The following TTC7B variants were observed in gnomAD, a reference collection of about 807,000 sequenced individuals.
The protein encoded by TTC7B is tetratricopeptide repeat domain 7B.
TTC7B carries 28 observed loss-of-function variants against 106.8 expected under a neutral mutation model. The ratio of observed to expected loss-of-function variants is 0.26; its 90% CI spans 0.19 to 0.36. The LOEUF (loss-of-function observed/expected upper bound fraction) is 0.36, where lower values mean the gene tolerates loss of function less well. TTC7B is among the 10% of genes least tolerant of loss of function. The pLI is 1.00. For synonymous variants in TTC7B, 405 were observed against 430.6 expected, an observed-to-expected ratio of 0.94 and a Z score of 0.74; for missense variants, 862 against 1,076.4, an observed-to-expected ratio of 0.80 and a Z score of 2.79.
At chr14:90,571,012 A>G (rs1891012453) in intron 19 of TTC7B, among the ~76,000 whole-genome samples, 1 of 152,134 alleles carries the variant, frequency 6.6e-6, no homozygotes, top group African/African-American at 2.4e-5. Flanking sequence ...AAGGGACCAC[A>G]CCAACATACG....
intron 5 of TTC7B, among the ~76,000 whole-genome samples, chr14:90,727,635 A>G (rs1327422559): frequency 6.6e-6 from 1 of 152,252 alleles, no homozygotes; most frequent in African/African-American, 2.4e-5. Context: ...GAGTTCTAGA[A>G]GAATCAGATT....
intron 9 of TTC7B, among the ~76,000 whole-genome samples, chr14:90,659,829 C>A (rs968778039): frequency 6.6e-6 from 1 of 152,160 alleles, no homozygotes; most frequent in African/African-American, 2.4e-5. Context: ...AGAGGCAACT[C>A]AAGCCTCTCG....
At position 90,535,592 on chromosome 14, in the gene TTC7B, C is replaced by T. The variant is rs1249356695; in HGVS notation, c.*5776G>A. On this transcript the variant is annotated 3_prime_UTR_variant, in exon 20 of 20. Transcript: ENST00000328459. Reference sequence around the variant, plus strand: ...GCCGCCTTCAACACTCAACACGGCCCCTTCCCCACCGGACTCCTAACCTGT... The same window carrying T: ...GCCGCCTTCAACACTCAACACGGCCTCTTCCCCACCGGACTCCTAACCTGT... 1 of 152,562 alleles carries T rather than the reference C, an allele frequency of 6.6e-6. No individual in the cohort carries two copies. The highest frequency in any genetic ancestry group is 1.5e-5 in the Non-Finnish European group (1 of 68,246). The allele number at this position is 152,562 out of a possible 1,614,324, so 9.5% of individuals were successfully genotyped here.
At chr14:90,550,179 T>G (rs569805952) in intron 19 of TTC7B, among the ~76,000 whole-genome samples, 56 of 152,136 alleles carry the variant, frequency 3.7e-4, no homozygotes, top group African/African-American at 1.2e-3. Context: ...TGAGCTCCCA[T>G]TCCACAGGTT....
At chr14:90,605,540 A>T (rs561404893) in intron 17 of TTC7B, 1 of 1,173,770 alleles carries the variant, frequency 8.5e-7, no homozygotes, top group South Asian at 1.6e-5. Flanking sequence ...GAAGATTATC[A>T]GAAGGTAAAA....
intron 13 of TTC7B, 75 bp downstream of exon 13, chr14:90,652,766 T>C: frequency 6.6e-7 from 1 of 1,522,818 alleles, no homozygotes; most frequent in Non-Finnish European, 9.1e-7. Flanking sequence ...TCTTTATAAA[T>C]ATCTCTTCTT....
intron 4 of TTC7B, among the ~76,000 whole-genome samples, chr14:90,740,664 G>C (rs1445006702): frequency 6.6e-6 from 1 of 151,788 alleles, no homozygotes; most frequent in African/African-American, 2.4e-5. Flanking sequence ...ACCATGCCTG[G>C]CTAATTTTTG....
At chr14:90,719,222 C>T (rs559177914) in intron 5 of TTC7B, among the ~76,000 whole-genome samples, 11 of 152,162 alleles carry the variant, frequency 7.2e-5, no homozygotes, top group South Asian at 2.1e-4. Context: ...TGCAGTGGGC[C>T]GTGACTGCAC....
chr14:90,646,405 C>T (rs1008239966), intron 14 of TTC7B, among the ~76,000 whole-genome samples: 1 of 152,194 alleles, frequency 6.6e-6, no homozygotes, highest in South Asian at 2.1e-4. Flanking sequence ...AAAACTTGCC[C>T]CTCCCGCAAG....
rs1213595809 is a variant in TTC7B at position 90,575,776 on chromosome 14, C to T, written c.2310+2330G>A. ...TTTCTGACTGCGAGACTCTAAACTC[C>T]TCAAATCTGTAGTCTCGCTCTTCTC... On this transcript the variant is annotated intron_variant, in intron 19 of 19. Coordinates refer to ENST00000328459, the MANE Select transcript of TTC7B (RefSeq NM_001010854.2). This position sits in a 1 kb window ranked among gnomAD's most constrained non-coding sequence, Gnocchi z 5.2. Among the ~76,000 whole-genome samples, 2 of 152,218 alleles carry T rather than the reference C, an allele frequency of 1.3e-5. No homozygotes were observed. Among genetic ancestry groups the T allele is most frequent in the African/African-American group, 2.4e-5 (1 of 41,460 alleles).
chr14:90,622,451 C>T (rs1884248610), intron 15 of TTC7B, among the ~76,000 whole-genome samples: 4 of 151,508 alleles, frequency 2.6e-5, no homozygotes, highest in Admixed American at 2.6e-4. Flanking sequence ...ATATATTAGC[C>T]AGGCATGGTG....
intron 17 of TTC7B, 39 bp from the exon 18 acceptor site, chr14:90,593,665 A>T: frequency 6.5e-7 from 1 of 1,534,898 alleles, no homozygotes. Flanking sequence ...CAGGAGCGAA[A>T]GAACAGACCC....
At chr14:90,659,115 GGGGACTGGGGA>G in intron 9 of TTC7B, among the ~76,000 whole-genome samples, 1 of 152,328 alleles carries the variant, frequency 6.6e-6, no homozygotes, top group East Asian at 1.9e-4. Flanking sequence ...GGAAGCATGC[GGGGACTGGGGA>G]GGCACAGGAG....
At chr14:90,711,421 A>C (rs1216235878) in intron 5 of TTC7B, among the ~76,000 whole-genome samples, 1 of 152,156 alleles carries the variant, frequency 6.6e-6, no homozygotes, top group Non-Finnish European at 1.5e-5. Flanking sequence ...CCATAGAGAA[A>C]ACAGAATTAT....
intron 3 of TTC7B, among the ~76,000 whole-genome samples, chr14:90,758,372 G>C (rs1890381392): frequency 7.3e-6 from 1 of 136,696 alleles, no homozygotes; most frequent in Non-Finnish European, 1.6e-5. Context: ...CGCAAGGAGG[G>C]GCGGGGCGAG....
At chr14:90,797,009 C>T (rs983980228) in intron 1 of TTC7B, among the ~76,000 whole-genome samples, 5 of 151,312 alleles carry the variant, frequency 3.3e-5, no homozygotes, top group African/African-American at 1.2e-4. Context: ...CCACACCAGG[C>T]TAATTTTTGT....
In TTC7B at chr14:90,529,567, G is replaced by A. The variant is rs1889231852; in HGVS notation, c.*11801C>T. Reference sequence around the variant, plus strand: ...CTAAGAGTATGGATTCTGGAGTCAGGCAACCTGGGTTCAAGGCCTGCTGTA... The same window carrying A: ...CTAAGAGTATGGATTCTGGAGTCAGACAACCTGGGTTCAAGGCCTGCTGTA... On this transcript the variant is annotated 3_prime_UTR_variant, in exon 20 of 20. Transcript: ENST00000328459. 1 of 152,176 alleles carries A rather than the reference G, an allele frequency of 6.6e-6. No homozygotes were observed. Among genetic ancestry groups the A allele is most frequent in the Non-Finnish European group, 1.5e-5 (1 of 68,038 alleles). The allele number at this position is 152,176 out of a possible 1,614,324, so 9.4% of individuals were successfully genotyped here. A position where few individuals can be genotyped will look rare whatever the true frequency, so the allele number is the denominator to read the frequency against.
chr14:90,566,389 G>C (rs769541757), intron 19 of TTC7B, among the ~76,000 whole-genome samples: 2 of 152,056 alleles, frequency 1.3e-5, no homozygotes, highest in Non-Finnish European at 2.9e-5. Context: ...TCAATGCAAG[G>C]TTGCCACAAA....
In TTC7B at chr14:90,807,409, G is replaced by T. The variant is rs74085571; in HGVS notation, c.121+8766C>A. ...GAACTCCGGGCACCATAATCACTTG[G>T]GGCCCTGGGATCCTGCTTCCTGAGT... On this transcript the variant is annotated intron_variant, in intron 1 of 19. Coordinates refer to ENST00000328459, the MANE Select transcript of TTC7B (RefSeq NM_001010854.2). This position sits in a 1 kb window ranked among gnomAD's most constrained non-coding sequence, Gnocchi z 4.1. 0.011 allele frequency among the ~76,000 whole-genome samples: 1,719 copies of T among 152,162 alleles called. 37 individuals carry two copies. The highest frequency in any genetic ancestry group is 0.04 in the African/African-American group (1,650 of 41,518).
Sources: gnomAD v4.1 joint callset for allele counts (sites outside exome capture counted in the v4.1 genomes callset) on GRCh38, gnomAD v4.1.1 for gene constraint, Gnocchi (gnomAD v3.1) non-coding constraint, MANE v1.5 for transcripts, NCBI Gene and HGNC (gene_info 2026-07-23, HGNC 2026-07-21) for gene names.